C6orf118: variants seen among roughly 807,000 people sequenced by gnomAD.
C6orf118 encodes the protein uncharacterized protein C6orf118.
A neutral mutation model predicts 50.2 loss-of-function variants in C6orf118; 50 were observed. That is an observed-to-expected ratio of 1.00 (90% CI 0.79 to 1.26). C6orf118 has a LOEUF of 1.26. Among genes scored for constraint, C6orf118 ranks in the 50% most tolerant of loss-of-function variants. C6orf118 has a pLI of 0.00. For synonymous variants in C6orf118, 239 were observed against 230.9 expected, an observed-to-expected ratio of 1.03 and a Z score of -0.32; for missense variants, 641 against 578.7, an observed-to-expected ratio of 1.11 and a Z score of -1.10.
chr6:165,287,976 T>C (rs995906015), intron 7 of C6orf118, among the ~76,000 whole-genome samples: 1 of 152,078 alleles, frequency 6.6e-6, no homozygotes, highest in Non-Finnish European at 1.5e-5. Context: ...AAAGAAACTA[T>C]CATCAGAGCA....
Position 165,288,429 on chromosome 6 carries a change from C to T in C6orf118, c.1302+1457G>A, listed in dbSNP as rs185721936. ...CATTTGACCCAGCAAACCCAAATCC[C>T]TTTTGTATATACCCAAAGGAATATA... is the stretch of plus-strand genomic sequence containing the variant. On this transcript the variant is annotated intron_variant, in intron 7 of 8. Transcript: ENST00000230301. Among the ~76,000 whole-genome samples the T allele has an allele frequency of 3.2e-3, 484 of 152,052 alleles. 10 individuals carry two copies. Among genetic ancestry groups the T allele is most frequent in the Non-Finnish European group, 9.9e-4 (67 of 67,874 alleles).
intron 6 of C6orf118, among the ~76,000 whole-genome samples, chr6:165,290,320 A>C (rs1780064770): frequency 6.6e-6 from 1 of 152,158 alleles, no homozygotes; most frequent in Non-Finnish European, 1.5e-5. Context: ...AGAAAGGTTC[A>C]ATGGTGAATT....
At chr6:165,302,478 T>C (rs1419515051) in intron 1 of C6orf118, among the ~76,000 whole-genome samples, 182 bp from the exon 2 acceptor site, 2 of 152,108 alleles carry the variant, frequency 1.3e-5, no homozygotes, top group Non-Finnish European at 2.9e-5. Context: ...AGTGTGCTGC[T>C]GCAGATGAGA....
At chr6:165,309,197 C>T (rs1359523554) in intron 1 of C6orf118, among the ~76,000 whole-genome samples, 6 of 152,238 alleles carry the variant, frequency 3.9e-5, no homozygotes, top group Non-Finnish European at 7.3e-5. Flanking sequence ...CTCTGAAGTG[C>T]GGCTTTTTAA....
intron 5 of C6orf118, among the ~76,000 whole-genome samples, chr6:165,296,029 T>C (rs899760669): frequency 2.0e-5 from 3 of 151,710 alleles, no homozygotes; most frequent in Non-Finnish European, 4.4e-5. Flanking sequence ...GGAAGTGGCT[T>C]TGGAACAATT....
At chr6:165,297,417 A>AG (rs1301116452) in intron 5 of C6orf118, among the ~76,000 whole-genome samples, 4 of 151,718 alleles carry the variant, frequency 2.6e-5, no homozygotes, top group African/African-American at 9.7e-5. Flanking sequence ...AAAAAAAAAA[A>AG]AAGAAGAACA....
chr6:165,289,834 A>G (rs899213061), intron 7 of C6orf118, 52 bp downstream of exon 7: 5 of 1,288,952 alleles, frequency 3.9e-6, no homozygotes, highest in Middle Eastern at 2.3e-4. Context: ...GTGTTTGCCA[A>G]GGTCTTCAAG....
intron 7 of C6orf118, among the ~76,000 whole-genome samples, chr6:165,283,196 C>T (rs1374271459): frequency 6.6e-6 from 1 of 152,046 alleles, no homozygotes; most frequent in Non-Finnish European, 1.5e-5. Flanking sequence ...CCACAGAGAG[C>T]AAGAAAAAGC....
intron 1 of C6orf118, 105 bp from the exon 2 acceptor site, chr6:165,302,401 A>G: frequency 7.2e-7 from 1 of 1,387,394 alleles, no homozygotes; most frequent in Non-Finnish European, 9.7e-7. Flanking sequence ...AAGAGGGTCT[A>G]TGGAGAAACA....
chr6:165,289,728 A>G (rs914874931), intron 7 of C6orf118, among the ~76,000 whole-genome samples, 158 bp downstream of exon 7: 4 of 152,072 alleles, frequency 2.6e-5, no homozygotes, highest in African/African-American at 4.8e-5. Flanking sequence ...TCTTTTAATT[A>G]TTATGATTAT....
At chr6:165,288,155 A>G (rs1464466114) in intron 7 of C6orf118, among the ~76,000 whole-genome samples, 1 of 152,214 alleles carries the variant, frequency 6.6e-6, no homozygotes, top group Non-Finnish European at 1.5e-5. Flanking sequence ...GAAGACATAC[A>G]TGTGGCCAAC....
At chr6:165,285,928 G>T (rs1056850648) in intron 7 of C6orf118, among the ~76,000 whole-genome samples, 1 of 151,498 alleles carries the variant, frequency 6.6e-6, no homozygotes, top group South Asian at 2.1e-4. Flanking sequence ...CAAGATCATG[G>T]CAGAACTGAA....
chr6:165,296,456 T>C (rs920962281), intron 5 of C6orf118, among the ~76,000 whole-genome samples: 1 of 151,982 alleles, frequency 6.6e-6, no homozygotes, highest in African/African-American at 2.4e-5. Flanking sequence ...GACAGCTAAA[T>C]ACAACCTACT....
At chr6:165,280,484 C>T (rs1466626968) in intron 8 of C6orf118, among the ~76,000 whole-genome samples, 1 of 152,180 alleles carries the variant, frequency 6.6e-6, no homozygotes, top group Non-Finnish European at 1.5e-5. Context: ...TAAGGAACCA[C>T]AAAACCTAGA....
At chr6:165,302,456 C>T (rs932117954) in intron 1 of C6orf118, among the ~76,000 whole-genome samples, 160 bp from the exon 2 acceptor site, 8 of 152,130 alleles carry the variant, frequency 5.3e-5, no homozygotes, top group African/African-American at 1.9e-4. Flanking sequence ...CAAAGGCACC[C>T]GTGCCCGGCC....
At chr6:165,296,373 C>T (rs993707709) in intron 5 of C6orf118, among the ~76,000 whole-genome samples, 2 of 151,256 alleles carry the variant, frequency 1.3e-5, no homozygotes, top group African/African-American at 4.9e-5. Context: ...GCTTCTCCTC[C>T]TCCCAGTGCC....
In C6orf118 at chr6:165,302,144, T is replaced by C. The variant is rs1369382042; in HGVS notation, c.178A>G (p.Ile60Val). Reference protein sequence around the residue: ...KDHREDVYLYISGHLNPNKLY... With the variant: ...KDHREDVYLYVSGHLNPNKLY... Reference sequence around the variant, plus strand: ...TTGTTGGGGTTCAGGTGTCCAGAGATGTAGAGGTAGACGTCCTCCCGGTGG... The same window carrying C: ...TTGTTGGGGTTCAGGTGTCCAGAGACGTAGAGGTAGACGTCCTCCCGGTGG... Residue 60 changes from isoleucine to valine, a missense_variant, in exon 2 of 9, where the codon ATC (isoleucine) becomes GTC (valine). Transcript: ENST00000230301. 1.2e-6 allele frequency: 2 copies of C among 1,614,014 alleles called. No individual in the cohort carries two copies. Among genetic ancestry groups the C allele is most frequent in the East Asian group, 4.5e-5 (2 of 44,846 alleles).
At chr6:165,281,220 TG>T (rs1050716042) in intron 8 of C6orf118, among the ~76,000 whole-genome samples, 2 of 152,350 alleles carry the variant, frequency 1.3e-5, no homozygotes, top group African/African-American at 4.8e-5. Context: ...TCCTGATTCC[TG>T]CCCATGTGAA....
intron 5 of C6orf118, among the ~76,000 whole-genome samples, chr6:165,295,027 G>T (rs995173219): frequency 1.3e-5 from 2 of 152,050 alleles, no homozygotes; most frequent in African/African-American, 4.8e-5. Flanking sequence ...TTGTTCTATT[G>T]CTTTGTTTTT....
Sources: allele counts gnomAD v4.1 joint callset (sites outside exome capture counted in the v4.1 genomes callset), GRCh38; gene constraint gnomAD v4.1.1; transcripts MANE v1.5; gene names NCBI Gene and HGNC (gene_info 2026-07-23, HGNC 2026-07-21).